Variants in OCA2 observed in about 807,000 individuals in gnomAD.
OCA2 encodes P protein.
Under a neutral mutation model 100.2 loss-of-function variants are expected in OCA2, and 77 were observed. The ratio of observed to expected loss-of-function variants is 0.77; its 90% CI spans 0.64 to 0.93. The LOEUF (loss-of-function observed/expected upper bound fraction) is 0.93. Ranked by LOEUF, OCA2 falls within the 40% of genes least tolerant of loss-of-function variation. The pLI is 0.00. For missense variants in OCA2, 1,062 were observed against 1,089.1 expected (o/e 0.98, Z 0.35); for synonymous variants, 432 against 439.2 (o/e 0.98, Z 0.21).
intron 2 of OCA2, among the ~76,000 whole-genome samples, chr15:28,075,830 A>G (rs2044410892): frequency 1.3e-5 from 2 of 150,936 alleles, no homozygotes; most frequent in South Asian, 4.1e-4. Flanking sequence ...TGCTTGAAAC[A>G]GGCCAAAATG....
intron 7 of OCA2, 134 bp downstream of exon 7, chr15:28,018,263 G>T: frequency 1.3e-6 from 1 of 790,186 alleles, no homozygotes; most frequent in East Asian, 2.6e-5. Context: ...CAAAAGATAA[G>T]AAGAGCCAAT....
At chr15:28,004,280 C>T (rs562166779) in intron 9 of OCA2, among the ~76,000 whole-genome samples, 1 of 149,108 alleles carries the variant, frequency 6.7e-6, no homozygotes, top group East Asian at 1.9e-4. Context: ...TGCTAGGCGC[C>T]CTGTGGCAGC....
intron 21 of OCA2, among the ~76,000 whole-genome samples, chr15:27,869,972 C>G (rs2036479603): frequency 6.6e-6 from 1 of 152,232 alleles, no homozygotes; most frequent in African/African-American, 2.4e-5. Flanking sequence ...CGAGTTAGTT[C>G]AGGATTACCA....
intron 23 of OCA2, among the ~76,000 whole-genome samples, chr15:27,821,003 C>A (rs745604990): frequency 6.6e-6 from 1 of 152,150 alleles, no homozygotes; most frequent in South Asian, 2.1e-4. Flanking sequence ...GAGGTGCAGG[C>A]GCCCTCCCTC....
In OCA2 at chr15:27,983,457, G is replaced by C; in HGVS notation, c.1391C>G (p.Pro464Arg). The change falls in exon 14 of 24, where the codon CCA becomes CGA. Residue 464 changes from proline to arginine, a missense_variant. Pro to Arg is a moderately radical substitution (Grantham distance 103). Transcript: ENST00000354638. The part of the protein sequence containing the change: ...IRLCEVLNLD[P>R]RQVLIAEVIF... The stretch of plus-strand genomic sequence containing the variant: ...CACTTCTGCAATCAGGACTTGTCTT[G>C]GATCAAGGTTGAGCACCTCACACAA... The C allele has an allele frequency of 6.2e-7, 1 of 1,614,182 alleles. No homozygotes were observed.
At chr15:27,900,683 C>T (rs533817784) in intron 19 of OCA2, among the ~76,000 whole-genome samples, 1 of 152,266 alleles carries the variant, frequency 6.6e-6, no homozygotes, top group African/African-American at 2.4e-5. Flanking sequence ...AAGGAGAGTC[C>T]CTCTACTGTC....
intron 22 of OCA2, among the ~76,000 whole-genome samples, chr15:27,848,733 G>A (rs149862055): frequency 1.3e-5 from 2 of 152,378 alleles, no homozygotes; most frequent in Non-Finnish European, 2.9e-5. Context: ...CACACTCTCA[G>A]AACAGTGAGA....
intron 23 of OCA2, among the ~76,000 whole-genome samples, chr15:27,815,257 C>T (rs1040507876): frequency 6.6e-6 from 1 of 152,212 alleles, no homozygotes; most frequent in Admixed American, 6.5e-5. Context: ...GGGCCAACCC[C>T]GCTGTTCGTG....
chr15:27,893,371 G>T (rs2703971), intron 19 of OCA2, among the ~76,000 whole-genome samples: 66,999 of 151,954 alleles, frequency 0.44, 17,221 homozygotes, highest in African/African-American at 0.69. Context: ...ATGAAATCAG[G>T]GCACCCTGAA....
chr15:28,068,021 G>A (rs2044079159), intron 2 of OCA2, among the ~76,000 whole-genome samples: 2 of 152,168 alleles, frequency 1.3e-5, no homozygotes, highest in Admixed American at 1.3e-4. Flanking sequence ...ACACGGTTGG[G>A]TGCACAAATA....
intron 23 of OCA2, among the ~76,000 whole-genome samples, chr15:27,773,088 A>G (rs2031985448): frequency 6.6e-6 from 1 of 152,134 alleles, no homozygotes; most frequent in African/African-American, 2.4e-5. Context: ...CTATAATTCT[A>G]CCTTTTCAAT....
At chr15:27,996,842 G>A (rs1198353667) in intron 9 of OCA2, among the ~76,000 whole-genome samples, 1 of 151,962 alleles carries the variant, frequency 6.6e-6, no homozygotes, top group South Asian at 2.1e-4. Context: ...GGCTTCACAG[G>A]TAAATTCTAC....
At chr15:27,756,696 G>A (rs1225936850) in intron 23 of OCA2, among the ~76,000 whole-genome samples, 2 of 152,158 alleles carry the variant, frequency 1.3e-5, no homozygotes, top group Non-Finnish European at 2.9e-5. Flanking sequence ...CAAAGCCTTC[G>A]TTCCTCTGTG....
intron 18 of OCA2, among the ~76,000 whole-genome samples, chr15:27,929,831 T>TTTTTTTTTTTTTTTTTTTTTAG (rs1343960106): frequency 2.0e-4 from 30 of 150,882 alleles, no homozygotes; most frequent in Middle Eastern, 3.4e-3. Context: ...GGAAATATTT[T>TTTTTTTTTTTTTTTTTTTTTAG]AAACAGACAC....
intron 21 of OCA2, among the ~76,000 whole-genome samples, chr15:27,851,745 C>T (rs541218632): frequency 7.2e-4 from 109 of 152,222 alleles, no homozygotes; most frequent in Non-Finnish European, 1.3e-3. Flanking sequence ...TAAAGGCACA[C>T]AGAGTCTAAC....
chr15:27,723,519 C>A, the OCA2 span, among the ~76,000 whole-genome samples: 2 of 151,856 alleles, frequency 1.3e-5, no homozygotes, highest in Admixed American at 1.3e-4. Context: ...GACAGAAGGG[C>A]ACCCCCACCA....
chr15:28,088,623 G>A (rs1239463452), intron 1 of OCA2, among the ~76,000 whole-genome samples: 1 of 152,148 alleles, frequency 6.6e-6, no homozygotes, highest in African/African-American at 2.4e-5. Flanking sequence ...GGCATCCAGG[G>A]GAGACATCAC....
chr15:28,094,464 G>A (rs1172077049), intron 1 of OCA2, among the ~76,000 whole-genome samples: 1 of 152,094 alleles, frequency 6.6e-6, no homozygotes, highest in Non-Finnish European at 1.5e-5. Context: ...ACCCCTCCAG[G>A]TCCTCCCCGC....
chr15:28,095,581 G>A (rs2141977982), intron 1 of OCA2, among the ~76,000 whole-genome samples: 1 of 152,176 alleles, frequency 6.6e-6, no homozygotes, highest in Non-Finnish European at 1.5e-5. Context: ...GCCGGGCGTG[G>A]TGGCGCGTGC....
Sources: gnomAD v4.1 joint callset for allele counts (sites outside exome capture counted in the v4.1 genomes callset) on GRCh38, gnomAD v4.1.1 for gene constraint, MANE v1.5 for transcripts, NCBI Gene and HGNC (gene_info 2026-07-23, HGNC 2026-07-21) for gene names.